The following GNG10 variants were observed in gnomAD, a reference collection of about 807,000 sequenced individuals.
The protein encoded by GNG10 is guanine nucleotide-binding protein G(I)/G(S)/G(O) subunit gamma-10.
In GNG10, 7 loss-of-function variants were observed where a neutral mutation model predicts 6.8. That is an observed-to-expected ratio of 1.02 (90% CI 0.58 to 1.92). The LOEUF (loss-of-function observed/expected upper bound fraction) is 1.92. Among genes scored for constraint, GNG10 ranks in the 30% most tolerant of loss-of-function variants. The pLI is 0.00. For synonymous variants in GNG10, 28 were observed against 34.8 expected (o/e 0.80, Z 0.69); for missense variants, 57 against 86.1 (o/e 0.66, Z 1.34).
At chr9:111,662,045 G>GGC (rs1456551589) in intron 1 of GNG10, among the ~76,000 whole-genome samples, 1 of 152,176 alleles carries the variant, frequency 6.6e-6, no homozygotes, top group African/African-American at 2.4e-5. Flanking sequence ...TGGACCCAGG[G>GGC]CTGGGGAGGC....
chr9:111,665,635 G>A (rs1830884351), intron 1 of GNG10, among the ~76,000 whole-genome samples: 1 of 152,206 alleles, frequency 6.6e-6, no homozygotes, highest in Admixed American at 6.5e-5. Context: ...CCTGCACCAA[G>A]AGAGATAGGT....
rs1830825046 is a variant in GNG10 at position 111,661,890 on chromosome 9, C to T, written c.81+175C>T. ...GAGGGCGCGGGGCAAGCCGGGGGCC[C>T]GGGCCTGACGGGAGGAAGCCGCGCC... On this transcript the variant is annotated intron_variant, in intron 1 of 2. Coordinates refer to ENST00000374293, the MANE Select transcript of GNG10 (RefSeq NM_001017998.4). The surrounding 1 kb of genome is among the most constrained non-coding windows in gnomAD (Gnocchi z 6.1). Among the ~76,000 whole-genome samples the T allele has an allele frequency of 6.6e-6, 1 of 151,318 alleles. No individual in the cohort carries two copies.
intron 1 of GNG10, among the ~76,000 whole-genome samples, chr9:111,663,027 G>T (rs899069045): frequency 1.3e-5 from 2 of 152,160 alleles, no homozygotes; most frequent in Non-Finnish European, 2.9e-5. Context: ...AGGGCTACGG[G>T]GGGGTGGGGG....
intron 1 of GNG10, among the ~76,000 whole-genome samples, chr9:111,665,607 G>A (rs1830883924): frequency 1.3e-5 from 2 of 152,270 alleles, no homozygotes; most frequent in African/African-American, 2.4e-5. Flanking sequence ...TCCTTCAGAT[G>A]GTTGTCTTAC....
At chr9:111,663,108 G>C (rs1276718406) in intron 1 of GNG10, among the ~76,000 whole-genome samples, 1 of 152,120 alleles carries the variant, frequency 6.6e-6, no homozygotes, top group African/African-American at 2.4e-5. Flanking sequence ...TTCTAGATAT[G>C]GGCTAAACTT....
rs538221205 is a variant in GNG10 at position 111,666,112 on chromosome 9, G to A, written c.82-703G>A. On this transcript the variant is annotated intron_variant, in intron 1 of 2. Coordinates refer to ENST00000374293, the MANE Select transcript of GNG10 (RefSeq NM_001017998.4). Reference sequence around the variant, plus strand: ...AGGAGCTGCAAACTATTGTGATCACGTTTGCAGTCTACCACAAATGTATTG... The same window carrying A: ...AGGAGCTGCAAACTATTGTGATCACATTTGCAGTCTACCACAAATGTATTG... Among the ~76,000 whole-genome samples, 59 of 152,190 alleles carry A rather than the reference G, an allele frequency of 3.9e-4. 1 individual carries two copies. Among genetic ancestry groups the A allele is most frequent in the African/African-American group, 1.3e-3 (55 of 41,508 alleles).
chr9:111,666,726 C>A, intron 1 of GNG10, 89 bp from the exon 2 acceptor site: 1 of 1,474,100 alleles, frequency 6.8e-7, no homozygotes. Flanking sequence ...TTGATATTTA[C>A]CAAGTTGGAT....
chr9:111,666,777 T>C (rs1204587108), intron 1 of GNG10, 38 bp from the exon 2 acceptor site: 1 of 1,599,890 alleles, frequency 6.3e-7, no homozygotes, highest in Admixed American at 1.7e-5. Flanking sequence ...GTGGCTTGGC[T>C]GTGAGCAGGG....
intron 2 of GNG10, among the ~76,000 whole-genome samples, chr9:111,668,001 C>T (rs144572702): frequency 0.075 from 11,358 of 152,098 alleles, 1,307 homozygotes; most frequent in African/African-American, 0.25. Context: ...GGATTACAGG[C>T]GCATGCCACC....
Position 111,661,624 on chromosome 9 carries a change from G to GCGC in GNG10, c.-3_-1dup. 1.5e-6 allele frequency: 2 copies of GCGC among 1,312,904 alleles called. No homozygotes were observed. Among genetic ancestry groups the GCGC allele is most frequent in the East Asian group, 7.8e-5 (2 of 25,604 alleles). The allele number at this position is 1,312,904 out of a possible 1,614,324, so 81.3% of individuals were successfully genotyped here. Reference sequence around the variant, plus strand: ...GGGCCCAGCAGCCCCTAGGAGCCCAGCGCCGCCGCCATGTCCTCCGGGGCT... The same window carrying GCGC: ...GGGCCCAGCAGCCCCTAGGAGCCCAGCGCCGCCGCCGCCATGTCCTCCGGGGCT... On this transcript the variant is annotated 5_prime_UTR_variant, in exon 1 of 3. Coordinates refer to ENST00000374293, the MANE Select transcript of GNG10 (RefSeq NM_001017998.4). This position sits in a 1 kb window ranked among gnomAD's most constrained non-coding sequence, Gnocchi z 6.1.
rs972682243 is a variant in GNG10, at chr9:111,667,390, C to T, written c.*6+444C>T. On this transcript the variant is annotated intron_variant, in intron 2 of 2. Coordinates refer to ENST00000374293, the MANE Select transcript of GNG10 (RefSeq NM_001017998.4). ...GACTACAGGTGCCTGCCACCACGCC[C>T]GGCTAATGTTTGTATTTTTAATAGA... is the stretch of plus-strand genomic sequence containing the variant. Among the ~76,000 whole-genome samples the T allele has an allele frequency of 1.1e-4, 17 of 152,082 alleles. No individual in the cohort carries two copies. The East Asian group carries it at 1.2e-3, about 10-fold the overall frequency.
At chr9:111,662,740 A>AC (rs1283563351) in intron 1 of GNG10, among the ~76,000 whole-genome samples, 5 of 152,216 alleles carry the variant, frequency 3.3e-5, no homozygotes, top group Non-Finnish European at 5.9e-5. Flanking sequence ...CGCTTCATGT[A>AC]CTAAGTGGAG....
At chr9:111,668,684 C>T (rs944669093) in intron 2 of GNG10, among the ~76,000 whole-genome samples, 1 of 151,794 alleles carries the variant, frequency 6.6e-6, no homozygotes, top group Non-Finnish European at 1.5e-5. Flanking sequence ...GAGGTTTCAC[C>T]GTATTGCTCA....
chr9:111,663,991 CT>C (rs568835533), intron 1 of GNG10, among the ~76,000 whole-genome samples: 1,991 of 135,790 alleles, frequency 0.015, 30 homozygotes, highest in African/African-American at 0.037. Flanking sequence ...CACTAATTGG[CT>C]TTTTTTTTTT....
In GNG10 at chr9:111,661,926, C is replaced by A. The variant is rs573018459; in HGVS notation, c.81+211C>A. Among the ~76,000 whole-genome samples, 1 of 151,848 alleles carries A rather than the reference C, an allele frequency of 6.6e-6. No individual in the cohort carries two copies. Among genetic ancestry groups the A allele is most frequent in the Admixed American group, 6.5e-5 (1 of 15,272 alleles). ...GGAGGAAGCCGCGCCTGGGGGGCCC[C>A]GCGGTCGTGGTCGGTCCCGGTCCCT... is the stretch of plus-strand genomic sequence containing the variant. On this transcript the variant is annotated intron_variant, in intron 1 of 2. Transcript: ENST00000374293. This position sits in a 1 kb window ranked among gnomAD's most constrained non-coding sequence, Gnocchi z 6.1.
intron 1 of GNG10, among the ~76,000 whole-genome samples, chr9:111,662,285 G>A (rs2131278351): frequency 6.6e-6 from 1 of 152,260 alleles, no homozygotes; most frequent in African/African-American, 2.4e-5. Flanking sequence ...TCAGCGCCCA[G>A]GGCTGAAAGA....
chr9:111,665,621 T>C (rs562582571), intron 1 of GNG10, among the ~76,000 whole-genome samples: 3 of 152,172 alleles, frequency 2.0e-5, no homozygotes, highest in Non-Finnish European at 4.4e-5. Flanking sequence ...GTCTTACAGT[T>C]CCACCTGCAC....
chr9:111,661,729 G>T lies in GNG10; in HGVS notation c.81+14G>T. 9 of 1,325,008 alleles carry T rather than the reference G, an allele frequency of 6.8e-6. No homozygotes were observed. The highest frequency in any genetic ancestry group is 4.9e-6 in the Non-Finnish European group (5 of 1,014,228). 82.1% of individuals were successfully genotyped at this position (1,325,008 alleles called of 1,614,324 possible). A position where few individuals can be genotyped will look rare whatever the true frequency, so the allele number is the denominator to read the frequency against. Reference sequence around the variant, plus strand: ...GAGAGGATCAAGGTGCGGGCCCCGGGTACCCACGCTCCGGTCCTTCCGCCC... The same window carrying T: ...GAGAGGATCAAGGTGCGGGCCCCGGTTACCCACGCTCCGGTCCTTCCGCCC... On this transcript the variant is annotated intron_variant, in intron 1 of 2. Coordinates refer to ENST00000374293, the MANE Select transcript of GNG10 (RefSeq NM_001017998.4). The surrounding 1 kb of genome is among the most constrained non-coding windows in gnomAD (Gnocchi z 6.1).
intron 1 of GNG10, among the ~76,000 whole-genome samples, chr9:111,664,605 A>G (rs992240184): frequency 3.9e-5 from 6 of 152,140 alleles, no homozygotes; most frequent in East Asian, 1.9e-4. Context: ...CCCACCACCA[A>G]TGGCAGGGGA....
Sources: gnomAD v4.1 joint callset for allele counts (sites outside exome capture counted in the v4.1 genomes callset) on GRCh38, gnomAD v4.1.1 for gene constraint, Gnocchi (gnomAD v3.1) non-coding constraint, MANE v1.5 for transcripts, NCBI Gene and HGNC (gene_info 2026-07-23, HGNC 2026-07-21) for gene names.